The following ZBBX variants were observed in gnomAD, a reference collection of about 807,000 sequenced individuals.
ZBBX encodes zinc finger B-box domain containing, also known as zinc finger B-box domain-containing protein 1.
Under a neutral mutation model 108.5 loss-of-function variants are expected in ZBBX, and 101 were observed. The ratio of observed to expected loss-of-function variants is 0.93; its 90% CI spans 0.79 to 1.10. The LOEUF (loss-of-function observed/expected upper bound fraction) is 1.10. Among genes scored for constraint, ZBBX ranks in the 50% least tolerant of loss-of-function variants. ZBBX has a pLI of 0.00. For synonymous variants in ZBBX, 356 were observed against 323.4 expected (o/e 1.10, Z -1.08); for missense variants, 1,009 against 941.4 (o/e 1.07, Z -0.94).
chr3:167,369,386 A>G (rs1299641551), intron 4 of ZBBX, among the ~76,000 whole-genome samples: 7 of 152,230 alleles, frequency 4.6e-5, no homozygotes, highest in African/African-American at 1.7e-4. Flanking sequence ...TAAAGTTCAT[A>G]AAGGAGAAAT....
At chr3:167,391,023 T>G (rs928952049) in intron 1 of ZBBX, among the ~76,000 whole-genome samples, 4 of 152,166 alleles carry the variant, frequency 2.6e-5, no homozygotes, top group Non-Finnish European at 5.9e-5. Context: ...AATACTATGT[T>G]GAATACTAGT....
chr3:167,355,047 A>T (rs1206640169), intron 8 of ZBBX, among the ~76,000 whole-genome samples: 2 of 151,994 alleles, frequency 1.3e-5, no homozygotes, highest in African/African-American at 4.8e-5. Flanking sequence ...ATGCTTCCTC[A>T]ATGATGGAAT....
At chr3:167,192,158 T>G in the ZBBX span, among the ~76,000 whole-genome samples, 1 of 151,972 alleles carries the variant, frequency 6.6e-6, no homozygotes, top group Admixed American at 6.6e-5. Context: ...TTTATAGTAC[T>G]AGAATGTTCT....
chr3:167,329,999 A>T (rs1479874916), intron 10 of ZBBX, among the ~76,000 whole-genome samples: 1 of 152,236 alleles, frequency 6.6e-6, no homozygotes, highest in East Asian at 1.9e-4. Context: ...ATATACTTAC[A>T]TTTGTGCAAA....
chr3:167,314,404 A>G (rs1346009043), intron 15 of ZBBX, among the ~76,000 whole-genome samples: 1 of 152,158 alleles, frequency 6.6e-6, no homozygotes, highest in African/African-American at 2.4e-5. Context: ...GATTTCTTAC[A>G]GTTTCTTCTA....
At chr3:167,242,400 T>A (rs1576751478) in intron 21 of ZBBX, 105 bp downstream of exon 21, 1 of 964,458 alleles carries the variant, frequency 1.0e-6, no homozygotes, top group African/African-American at 1.6e-5. Context: ...ATATAAAGTA[T>A]ACACATGAGG....
intron 1 of ZBBX, chr3:167,401,259 C>CA (rs1333882950): frequency 6.6e-6 from 1 of 152,056 alleles, no homozygotes; most frequent in African/African-American, 2.4e-5. Flanking sequence ...AAATGAGTAT[C>CA]AAAAAACGTT....
intron 20 of ZBBX, among the ~76,000 whole-genome samples, chr3:167,253,024 G>T (rs554634494): frequency 7.2e-5 from 11 of 152,094 alleles, no homozygotes; most frequent in African/African-American, 2.7e-4. Flanking sequence ...ATTTATGTTT[G>T]ATTTTTAATA....
At chr3:167,270,386 T>C (rs1009443348) in intron 20 of ZBBX, among the ~76,000 whole-genome samples, 1 of 152,168 alleles carries the variant, frequency 6.6e-6, no homozygotes, top group African/African-American at 2.4e-5. Context: ...ACCAGAAGCC[T>C]ACTCCAGAAA....
downstream of ZBBX, among the ~76,000 whole-genome samples, chr3:167,237,285 A>C (rs1444472868): frequency 6.6e-6 from 1 of 151,886 alleles, no homozygotes; most frequent in Non-Finnish European, 1.5e-5. Flanking sequence ...TATTAAATAA[A>C]ATTTAATGTT....
chr3:167,242,531 C>A lies in ZBBX; in HGVS notation c.2367G>T (p.Arg789Ser). 6.2e-7 allele frequency: 1 copy of A among 1,612,414 alleles called. No homozygotes were observed. The change falls in exon 21 of 22, where the codon AGG (arginine) becomes AGT (serine). Residue 789 changes from arginine to serine, a missense_variant. Physicochemically the swap from Arg to Ser is moderately radical, Grantham distance 110. Transcript: ENST00000675490. ...TCAATTCCTCAACTCCACAGGGACC[C>A]CTCACATGTGAGGTCTTAAGGAAAT... The part of the protein sequence containing the change: ...STDFLKTSHV[R>S]GPCGVEELSC...
intron 20 of ZBBX, among the ~76,000 whole-genome samples, chr3:167,250,641 C>T (rs1162741647): frequency 1.3e-5 from 2 of 151,938 alleles, no homozygotes; most frequent in Non-Finnish European, 2.9e-5. Context: ...CGCTAGGAGT[C>T]TGACTGCCAT....
chr3:167,223,085 AG>A, the ZBBX span, among the ~76,000 whole-genome samples: 3 of 151,918 alleles, frequency 2.0e-5, no homozygotes, highest in Non-Finnish European at 4.4e-5. Flanking sequence ...AATTAAAAAA[AG>A]TCTCATAGCC....
At chr3:167,348,043 T>G (rs940685025) in intron 9 of ZBBX, among the ~76,000 whole-genome samples, 7 of 151,884 alleles carry the variant, frequency 4.6e-5, no homozygotes, top group Admixed American at 3.3e-4. Flanking sequence ...ACAATGAGAT[T>G]TATTAGGAAC....
Position 167,360,818 on chromosome 3 carries a change from CT to C in ZBBX, c.274-96del, listed in dbSNP as rs532746628. 248 of 618,678 alleles carry C rather than the reference CT, an allele frequency of 4.0e-4. No homozygotes were observed. In the African/African-American group the frequency reaches 4.5e-3, roughly 11 times the overall value. The allele number at this position is 618,678 out of a possible 1,614,324, so 38.3% of individuals were successfully genotyped here. A position where few individuals can be genotyped will look rare whatever the true frequency, so the allele number is the denominator to read the frequency against. On this transcript the variant is annotated intron_variant, in intron 6 of 21. Coordinates refer to ENST00000675490, the MANE Select transcript of ZBBX (RefSeq NM_001199201.2). ...ATATTAGAAAGCTGTAGCTTTGGTGCTTTTCGAACAAAAATTTATTTTTAAA... is the reference window on the plus strand; with the variant it reads ...ATATTAGAAAGCTGTAGCTTTGGTGCTTTCGAACAAAAATTTATTTTTAAA...
At chr3:167,277,037 C>T (rs567635272) in intron 20 of ZBBX, among the ~76,000 whole-genome samples, 15 of 152,044 alleles carry the variant, frequency 9.9e-5, no homozygotes, top group Non-Finnish European at 2.1e-4. Flanking sequence ...TACAGAAAAG[C>T]AAATGTTGAG....
chr3:167,224,043 A>G, the ZBBX span, among the ~76,000 whole-genome samples: 3 of 151,924 alleles, frequency 2.0e-5, no homozygotes, highest in African/African-American at 7.2e-5. Context: ...ACATGCCAAC[A>G]GGAGGGGACA....
At chr3:167,350,331 A>C (rs1201208590) in intron 9 of ZBBX, 89 bp downstream of exon 9, 2 of 937,372 alleles carry the variant, frequency 2.1e-6, no homozygotes, top group Non-Finnish European at 3.2e-6. Flanking sequence ...AATCATCCTG[A>C]GTTCTAGATA....
chr3:167,317,357 A>C, intron 13 of ZBBX, 131 bp downstream of exon 13: 1 of 719,356 alleles, frequency 1.4e-6, no homozygotes, highest in Non-Finnish European at 2.2e-6. Context: ...TTTTCATCTA[A>C]AGAGAAAAGA....
Sources: allele counts gnomAD v4.1 joint callset (sites outside exome capture counted in the v4.1 genomes callset), GRCh38; gene constraint gnomAD v4.1.1; transcripts MANE v1.5; gene names NCBI Gene and HGNC (gene_info 2026-07-23, HGNC 2026-07-21).